The following CACNA1C variants were observed in gnomAD, a reference collection of about 807,000 sequenced individuals.
The protein encoded by CACNA1C is voltage-dependent L-type calcium channel subunit alpha-1C.
CACNA1C carries 30 observed loss-of-function variants against 229.0 expected under a neutral mutation model. The observed-to-expected ratio is 0.13, with a 90% CI of 0.10 to 0.18. The LOEUF (loss-of-function observed/expected upper bound fraction) is 0.18, where lower values mean the gene tolerates loss of function less well. Among genes scored for constraint, CACNA1C ranks in the 10% least tolerant of loss-of-function variants. The probability of loss-of-function intolerance (pLI) is 1.00; values close to 1 mark genes in which losing one functional copy is unlikely to be tolerated. For synonymous variants in CACNA1C, 1,114 were observed against 1,132.5 expected (o/e 0.98, Z 0.33); for missense variants, 1,658 against 2,845.0 (o/e 0.58, Z 9.49).
intron 1 of CACNA1C, among the ~76,000 whole-genome samples, chr12:2,093,146 C>A (rs889667002): frequency 6.6e-6 from 1 of 152,224 alleles, no homozygotes; most frequent in South Asian, 2.1e-4. Flanking sequence ...GTTACAGAGT[C>A]AGAAAGAGCA....
Position 2,504,428 on chromosome 12 carries a change from C to T in CACNA1C, c.1114-414C>T. The T allele has an allele frequency of 1.3e-6, 2 of 1,538,562 alleles. No homozygotes were observed. The highest frequency in any genetic ancestry group is 9.0e-7 in the Non-Finnish European group (1 of 1,111,766). On this transcript the variant is annotated intron_variant, in intron 7 of 46. Coordinates refer to ENST00000399655, the MANE Select transcript of CACNA1C (RefSeq NM_000719.7). The surrounding 1 kb of genome is among the most constrained non-coding windows in gnomAD (Gnocchi z 6.8). ...TTCTTCTTTCCTAACTTTCCTTCGT[C>T]TTTCCAGATGCAGGACGCTATGGGC...
At chr12:2,183,246 CA>C (rs74801864) in intron 3 of CACNA1C, among the ~76,000 whole-genome samples, 58,934 of 146,126 alleles carry the variant, frequency 0.4, 11,688 homozygotes, top group South Asian at 0.45. Context: ...ATTCCTGGCT[CA>C]AAAAAAAAAA....
chr12:2,116,428 G>C (rs894956771), intron 2 of CACNA1C, among the ~76,000 whole-genome samples: 2 of 150,852 alleles, frequency 1.3e-5, no homozygotes, highest in Non-Finnish European at 2.9e-5. Flanking sequence ...CTGGAGTGCA[G>C]TGGTGCCGTC....
chr12:2,585,956 A>C lies in CACNA1C; in HGVS notation c.2530+52A>C. ...ATTGGGAGATTGGGGGCAGAGATCT[A>C]AATTCTAAAGCCACGTGGGAGTGGC... On this transcript the variant is annotated intron_variant, in intron 18 of 46. Coordinates refer to ENST00000399655, the MANE Select transcript of CACNA1C (RefSeq NM_000719.7). The surrounding 1 kb of genome is among the most constrained non-coding windows in gnomAD (Gnocchi z 4.1). 8.2e-7 allele frequency: 1 copy of C among 1,223,490 alleles called. No homozygotes were observed. Among genetic ancestry groups the C allele is most frequent in the Non-Finnish European group, 1.2e-6 (1 of 867,058 alleles). The allele number at this position is 1,223,490 out of a possible 1,614,324, so 75.8% of individuals were successfully genotyped here. A position where few individuals can be genotyped will look rare whatever the true frequency, so the allele number is the denominator to read the frequency against.
chr12:2,573,481 A>G (rs758129200), intron 13 of CACNA1C, among the ~76,000 whole-genome samples: 3 of 152,258 alleles, frequency 2.0e-5, no homozygotes, highest in Non-Finnish European at 4.4e-5. Flanking sequence ...ACATCTGTGT[A>G]TGTTTGAAAA....
intron 4 of CACNA1C, among the ~76,000 whole-genome samples, chr12:2,453,538 C>T (rs1198220414): frequency 6.6e-6 from 1 of 152,170 alleles, no homozygotes; most frequent in Admixed American, 6.5e-5. Flanking sequence ...AGAAATCACC[C>T]TGCACGCCCT....
chr12:2,270,945 G>A (rs1269270416), intron 3 of CACNA1C, among the ~76,000 whole-genome samples: 3 of 152,122 alleles, frequency 2.0e-5, no homozygotes, highest in Non-Finnish European at 4.4e-5. Flanking sequence ...GGGAGATGAA[G>A]GGTGTCTAGA....
intron 3 of CACNA1C, among the ~76,000 whole-genome samples, chr12:2,160,403 G>T (rs2095796786): frequency 6.6e-6 from 1 of 152,140 alleles, no homozygotes; most frequent in Admixed American, 6.5e-5. Flanking sequence ...CCAAATATCT[G>T]CCACCCTGCA....
intron 1 of CACNA1C, among the ~76,000 whole-genome samples, chr12:2,015,944 A>G (rs1415929620): frequency 2.0e-5 from 3 of 152,228 alleles, no homozygotes; most frequent in African/African-American, 7.2e-5. Flanking sequence ...CATATCAAGC[A>G]CTTAATAAAT....
At position 2,501,209 on chromosome 12, in the gene CACNA1C, CAAAAA is replaced by C. The variant is rs59324696; in HGVS notation, c.1114-3612_1114-3608del. 3.1e-3 allele frequency among the ~76,000 whole-genome samples: 98 copies of C among 31,360 alleles called. 1 individual carries two copies. The highest frequency in any genetic ancestry group is 0.014 in the African/African-American group (83 of 5,878). The allele number at this position is 31,360 out of a possible 152,430, so 20.6% of individuals were successfully genotyped here. ...TGGGCGACAGAGTGAGACTCCACCTCAAAAAAAAAAAAAAAAAAAAAAAAAGTAAA... is the reference window on the plus strand; with the variant it reads ...TGGGCGACAGAGTGAGACTCCACCTCAAAAAAAAAAAAAAAAAAAAGTAAA... On this transcript the variant is annotated intron_variant, in intron 7 of 46. Transcript: ENST00000399655.
intron 3 of CACNA1C, among the ~76,000 whole-genome samples, chr12:2,315,392 T>G (rs2095638891): frequency 6.6e-6 from 1 of 152,184 alleles, no homozygotes; most frequent in African/African-American, 2.4e-5. Flanking sequence ...GGAACCAGCC[T>G]CCATCAGCTA....
rs1015041057 is a variant in CACNA1C at position 2,651,041 on chromosome 12, A to G, written c.3946-599A>G. The G allele has an allele frequency of 6.5e-6, 1 of 152,796 alleles. No homozygotes were observed. The highest frequency in any genetic ancestry group is 1.5e-5 in the Non-Finnish European group (1 of 68,482). 9.5% of individuals were successfully genotyped at this position (152,796 alleles called of 1,614,324 possible). A position where few individuals can be genotyped will look rare whatever the true frequency, so the allele number is the denominator to read the frequency against. On this transcript the variant is annotated intron_variant, in intron 31 of 46. Transcript: ENST00000399655. The surrounding 1 kb of genome is among the most constrained non-coding windows in gnomAD (Gnocchi z 5.4). ...CCTCCCTTTGGGACAGGGGCTGTGGAAAGTAGAAGGAGGTGATACAAGGAA... is the reference window on the plus strand; with the variant it reads ...CCTCCCTTTGGGACAGGGGCTGTGGGAAGTAGAAGGAGGTGATACAAGGAA...
chr12:2,551,341 A>G (rs1273145333), intron 10 of CACNA1C, among the ~76,000 whole-genome samples: 1 of 152,208 alleles, frequency 6.6e-6, no homozygotes, highest in African/African-American at 2.4e-5. Context: ...TCCCCCACGG[A>G]TGGAGCCTGG....
intron 5 of CACNA1C, among the ~76,000 whole-genome samples, chr12:2,469,228 C>T (rs74053444): frequency 0.016 from 2,505 of 152,196 alleles, 61 homozygotes; most frequent in African/African-American, 0.055. Context: ...GCTCACAAAA[C>T]ACTGTGGTCT....
intron 13 of CACNA1C, among the ~76,000 whole-genome samples, chr12:2,572,587 TC>T: frequency 8.1e-6 from 1 of 123,922 alleles, no homozygotes; most frequent in Non-Finnish European, 1.7e-5. Context: ...CCTCTCCTCC[TC>T]CTTCTCCTCT....
intron 5 of CACNA1C, among the ~76,000 whole-genome samples, chr12:2,460,238 T>A (rs866815818): frequency 3.9e-5 from 6 of 152,368 alleles, no homozygotes; most frequent in Middle Eastern, 3.4e-3. Context: ...TTAAGGCTTA[T>A]GCTTAGATGT....
At chr12:2,087,902 T>C (rs909933424) in intron 1 of CACNA1C, among the ~76,000 whole-genome samples, 2 of 152,202 alleles carry the variant, frequency 1.3e-5, no homozygotes, top group African/African-American at 4.8e-5. Flanking sequence ...TCCGGATGAT[T>C]TTGTAAATGG....
chr12:2,325,938 T>A (rs1425625937), intron 3 of CACNA1C, among the ~76,000 whole-genome samples: 3 of 152,214 alleles, frequency 2.0e-5, no homozygotes, highest in Non-Finnish European at 1.5e-5. Context: ...TCAACTGGCT[T>A]TTCCCAAGGG....
intron 3 of CACNA1C, among the ~76,000 whole-genome samples, chr12:2,128,921 T>C (rs2091281403): frequency 6.6e-6 from 1 of 152,208 alleles, no homozygotes; most frequent in Non-Finnish European, 1.5e-5. Context: ...CCCTGTGAGA[T>C]GTAGCCCTGA....
Sources: allele counts gnomAD v4.1 joint callset (sites outside exome capture counted in the v4.1 genomes callset), GRCh38; gene constraint gnomAD v4.1.1; non-coding constraint Gnocchi (gnomAD v3.1); transcripts MANE v1.5; gene names NCBI Gene and HGNC (gene_info 2026-07-23, HGNC 2026-07-21).